TRABD: variants seen among roughly 807,000 people sequenced by gnomAD.
TRABD encodes TraB domain containing.
In TRABD, 23 loss-of-function variants were observed where a neutral mutation model predicts 39.6. That is an observed-to-expected ratio of 0.58 (90% confidence interval 0.42 to 0.82). The LOEUF (loss-of-function observed/expected upper bound fraction) is 0.82, where lower values mean the gene tolerates loss of function less well. TRABD is among the 40% of genes least tolerant of loss of function. The pLI is 0.00. For missense variants in TRABD, 487 were observed against 544.9 expected, an observed-to-expected ratio of 0.89 and a Z score of 1.06; for synonymous variants, 243 against 232.1, an observed-to-expected ratio of 1.05 and a Z score of -0.43.
At chr22:50,197,764 G>GGCCCCCCCCCCCCCCCCCCTTGC in intron 7 of TRABD, 59 bp from the exon 8 acceptor site, 1 of 1,284,796 alleles carries the variant, frequency 7.8e-7, no homozygotes, top group Non-Finnish European at 1.1e-6. Context: ...CACAGTGCCA[G>GGCCCCCCCCCCCCCCCCCCTTGC]CCCCACCCCC....
chr22:50,188,924 G>C (rs1011264430), intron 1 of TRABD, among the ~76,000 whole-genome samples: 1 of 152,218 alleles, frequency 6.6e-6, no homozygotes, highest in African/African-American at 2.4e-5. Context: ...GGGCTTTTGC[G>C]CACAACAGAT....
In TRABD at chr22:50,193,784, G is replaced by A. The variant is rs1476076335; in HGVS notation, c.112+130G>A. 16 of 851,330 alleles carry A rather than the reference G, an allele frequency of 1.9e-5. No individual in the cohort carries two copies. In the African/African-American group the frequency reaches 2.4e-4, roughly 13 times the overall value. The allele number at this position is 851,330 out of a possible 1,614,324, so 52.7% of individuals were successfully genotyped here. A position where few individuals can be genotyped will look rare whatever the true frequency, so the allele number is the denominator to read the frequency against. ...AGCAGGGGCCCTGGCCGAGACCTGA[G>A]GTAGGTGCTGCTAGGCCTGGTGCCA... On this transcript the variant is annotated intron_variant, in intron 3 of 9. Transcript: ENST00000380909.
chr22:50,193,550 A>G, intron 2 of TRABD, 26 bp from the exon 3 acceptor site: 3 of 1,612,182 alleles, frequency 1.9e-6, no homozygotes, highest in Non-Finnish European at 2.5e-6. Context: ...ATGGACCCTG[A>G]CTTGAACTCT....
chr22:50,198,599 C>A lies in TRABD; in HGVS notation c.*80C>A. On this transcript the variant is annotated 3_prime_UTR_variant, in exon 10 of 10. Transcript: ENST00000380909. The surrounding 1 kb of genome is among the most constrained non-coding windows in gnomAD (Gnocchi z 7.9). ...TCTGGGTGCCAGGTGCATCCTAGCC[C>A]GCCCGAGGCCCCTGCCACCCCCCAT... 1 of 1,381,630 alleles carries A rather than the reference C, an allele frequency of 7.2e-7. No homozygotes were observed. Among genetic ancestry groups the A allele is most frequent in the African/African-American group, 1.5e-5 (1 of 67,716 alleles). 85.6% of individuals were successfully genotyped at this position (1,381,630 alleles called of 1,614,324 possible).
chr22:50,197,531 C>T lies in TRABD; in HGVS notation c.614C>T (p.Ser205Phe). ...VTFKRAIAAL[S>F]FWQKVRLAWG... ...TTCAAGAGGGCCATCGCAGCGCTCT[C>T]CTTCTGGCAGAAGGTCAGGCTGGCT... Residue 205 changes from serine (S) to phenylalanine (F), a missense_variant, in exon 7 of 10, where the codon TCC becomes TTC. Ser to Phe is a radical substitution (Grantham distance 155). Around this residue, in one of 3 missense-constraint regions of TRABD, gnomAD observed 358 missense variants for 414.7 expected, o/e 0.86. Transcript: ENST00000380909. 1.2e-6 allele frequency: 2 copies of T among 1,613,738 alleles called. No individual in the cohort carries two copies. Among genetic ancestry groups the T allele is most frequent in the Non-Finnish European group, 1.7e-6 (2 of 1,180,026 alleles).
chr22:50,198,203 C>T lies in TRABD; in HGVS notation c.956+17C>T. ...GATCATGACGTGAGTGCCCGCCCCT[C>T]CCTGCAAGCCCCACCCCACAAGCCC... is the stretch of plus-strand genomic sequence containing the variant. On this transcript the variant is annotated intron_variant, in intron 9 of 9. Transcript: ENST00000380909. The surrounding 1 kb of genome is among the most constrained non-coding windows in gnomAD (Gnocchi z 7.9). 6.3e-7 allele frequency: 1 copy of T among 1,589,010 alleles called. No individual in the cohort carries two copies. Among genetic ancestry groups the T allele is most frequent in the South Asian group, 1.1e-5 (1 of 88,398 alleles).
chr22:50,198,349 C>T lies in TRABD; in HGVS notation c.961C>T (p.Pro321Ser). 2 of 1,567,138 alleles carry T rather than the reference C, an allele frequency of 1.3e-6. No individual in the cohort carries two copies. The highest frequency in any genetic ancestry group is 1.2e-5 in the South Asian group (1 of 85,774). Residue 321 changes from proline to serine, a missense_variant, in exon 10 of 10, where the codon CCC (proline) becomes TCC (serine). By Grantham distance (74) the Pro-to-Ser change is moderately conservative. Transcript: ENST00000380909. This position sits in a 1 kb window ranked among gnomAD's most constrained non-coding sequence, Gnocchi z 7.9. ...DLNIQEIMTVPPPSVSGRVSR... is the reference protein window; with the variant it reads ...DLNIQEIMTVSPPSVSGRVSR... ...AGCGCCCCCTCCCTCCCACAGCGTG[C>T]CCCCGCCGTCCGTCTCCGGCAGAGT...
intron 3 of TRABD, among the ~76,000 whole-genome samples, chr22:50,194,053 C>T (rs1371476112): frequency 6.7e-4 from 21 of 31,330 alleles, no homozygotes; most frequent in Non-Finnish European, 1.2e-3. Flanking sequence ...TCCCCCACAC[C>T]GAACCTCATC....
chr22:50,191,530 T>C (rs1180320938), intron 1 of TRABD, among the ~76,000 whole-genome samples: 1 of 152,012 alleles, frequency 6.6e-6, no homozygotes. Flanking sequence ...TTCTTATGAG[T>C]TCTGAGAAGT....
chr22:50,199,194 C>G lies in TRABD; in HGVS notation c.*675C>G. The G allele has an allele frequency of 1.4e-6, 1 of 709,108 alleles. No individual in the cohort carries two copies. Among genetic ancestry groups the G allele is most frequent in the Non-Finnish European group, 2.6e-6 (1 of 380,364 alleles). The allele number at this position is 709,108 out of a possible 1,614,324, so 43.9% of individuals were successfully genotyped here. A position where few individuals can be genotyped will look rare whatever the true frequency, so the allele number is the denominator to read the frequency against. On this transcript the variant is annotated 3_prime_UTR_variant, in exon 10 of 10. Coordinates refer to ENST00000380909, the MANE Select transcript of TRABD (RefSeq NM_001320485.2). ...AGAATTCGTGTTCTTGGGTCTGTCC[C>G]GAGTGGGCTCGCGTGCAGCCAAACA...
intron 5 of TRABD, chr22:50,196,959 A>C: frequency 2.5e-6 from 1 of 392,262 alleles, no homozygotes; most frequent in East Asian, 4.6e-5. Context: ...CAGCCTCCCA[A>C]AGTGCTGGGA....
At chr22:50,193,475 C>A in intron 2 of TRABD, 101 bp from the exon 3 acceptor site, 1 of 1,150,326 alleles carries the variant, frequency 8.7e-7, no homozygotes, top group Non-Finnish European at 1.3e-6. Flanking sequence ...ACACAGCGGC[C>A]ACGGGTCCCT....
chr22:50,194,539 G>C, intron 4 of TRABD, 33 bp downstream of exon 4: 1 of 1,560,416 alleles, frequency 6.4e-7, no homozygotes, highest in Non-Finnish European at 8.7e-7. Context: ...TCCCGGACAC[G>C]GGTTGGTGTA....
chr22:50,198,611 C>T lies in TRABD; in HGVS notation c.*92C>T. The stretch of plus-strand genomic sequence containing the variant: ...GTGCATCCTAGCCCGCCCGAGGCCC[C>T]TGCCACCCCCCATGGGGGTCTGGGC... On this transcript the variant is annotated 3_prime_UTR_variant, in exon 10 of 10. Transcript: ENST00000380909. The surrounding 1 kb of genome is among the most constrained non-coding windows in gnomAD (Gnocchi z 7.9). The T allele has an allele frequency of 1.5e-6, 2 of 1,328,418 alleles. No individual in the cohort carries two copies. Among genetic ancestry groups the T allele is most frequent in the Non-Finnish European group, 2.0e-6 (2 of 1,010,994 alleles). The allele number at this position is 1,328,418 out of a possible 1,614,324, so 82.3% of individuals were successfully genotyped here. A position where few individuals can be genotyped will look rare whatever the true frequency, so the allele number is the denominator to read the frequency against.
intron 1 of TRABD, among the ~76,000 whole-genome samples, chr22:50,189,118 C>T (rs186194529): frequency 3.9e-4 from 59 of 152,376 alleles, no homozygotes; most frequent in South Asian, 1.4e-3. Flanking sequence ...TGGGTCTCCA[C>T]CCCGTTCTCT....
In TRABD at chr22:50,194,480, GACGACAGCA is replaced by G; in HGVS notation, c.255_263del (p.Asp85_Lys88delinsGlu). The G allele has an allele frequency of 6.3e-7, 1 of 1,596,902 alleles. No individual in the cohort carries two copies. The highest frequency in any genetic ancestry group is 8.5e-7 in the Non-Finnish European group (1 of 1,172,130). ...CGTGGTGGGGACAGCCCACTTCAGCGACGACAGCAAGAGGGACGTTGTGAAGGTGAGCGC... is the reference window on the plus strand; with the variant it reads ...CGTGGTGGGGACAGCCCACTTCAGCGAGAGGGACGTTGTGAAGGTGAGCGC... On this transcript the variant is annotated inframe_deletion, in exon 4 of 10. Transcript: ENST00000380909.
intron 3 of TRABD, 96 bp downstream of exon 3, chr22:50,193,750 C>A: frequency 7.9e-7 from 1 of 1,260,310 alleles, no homozygotes; most frequent in Non-Finnish European, 1.2e-6. Flanking sequence ...GGGCTTGGAG[C>A]TTGTGGTGAG....
In TRABD at chr22:50,199,377, AG is replaced by A. The variant is rs1325950637; in HGVS notation, c.*860del. On this transcript the variant is annotated 3_prime_UTR_variant, in exon 10 of 10. Coordinates refer to ENST00000380909, the MANE Select transcript of TRABD (RefSeq NM_001320485.2). ...GGCTGTGGCCAGGCCTGTCCCGCTC[AG>A]GCCCCCTGCCCGGCGGCCGTCTGTG... 18 of 408,138 alleles carry A rather than the reference AG, an allele frequency of 4.4e-5. No individual in the cohort carries two copies. The highest frequency in any genetic ancestry group is 1.3e-4 in the Admixed American group (3 of 22,756). The allele number at this position is 408,138 out of a possible 1,614,324, so 25.3% of individuals were successfully genotyped here. A position where few individuals can be genotyped will look rare whatever the true frequency, so the allele number is the denominator to read the frequency against.
rs1397601198 is a variant in TRABD, at chr22:50,185,938, G to T, written c.-73G>T. ...GCCCCGTCCGTTGAGGGCCCGCGCC[G>T]CATGGAGGCCGGCTGAGGAGCGCCG... is the stretch of plus-strand genomic sequence containing the variant. On this transcript the variant is annotated 5_prime_UTR_variant, in exon 1 of 10. Coordinates refer to ENST00000380909, the MANE Select transcript of TRABD (RefSeq NM_001320485.2). 6.7e-6 allele frequency: 1 copy of T among 149,194 alleles called. No homozygotes were observed. Among genetic ancestry groups the T allele is most frequent in the Non-Finnish European group, 1.5e-5 (1 of 66,766 alleles). The allele number at this position is 149,194 out of a possible 1,614,324, so 9.2% of individuals were successfully genotyped here.
Sources: gnomAD v4.1 joint callset for allele counts (sites outside exome capture counted in the v4.1 genomes callset) on GRCh38, gnomAD v4.1.1 for gene constraint, gnomAD v4.1.1 regional missense constraint, Gnocchi (gnomAD v3.1) non-coding constraint, MANE v1.5 for transcripts, NCBI Gene and HGNC (gene_info 2026-07-23, HGNC 2026-07-21) for gene names.